The following WDPCP variants were observed in gnomAD, a reference collection of about 807,000 sequenced individuals.
WDPCP encodes WD repeat containing planar cell polarity effector.
WDPCP carries 71 observed loss-of-function variants against 93.1 expected under a neutral mutation model. The observed-to-expected ratio is 0.76, with a 90% CI of 0.63 to 0.93. WDPCP has a LOEUF of 0.93. Ranked by LOEUF, WDPCP falls within the 40% of genes least tolerant of loss-of-function variation. The probability of loss-of-function intolerance (pLI) is 0.00; values close to 1 mark genes in which losing one functional copy is unlikely to be tolerated. For missense variants in WDPCP, 844 were observed against 887.4 expected (o/e 0.95, Z 0.62); for synonymous variants, 315 against 315.0 (o/e 1.00, Z 0.00).
chr2:63,718,168 C>G (rs1183749476), intron 2 of WDPCP, among the ~76,000 whole-genome samples: 2 of 151,978 alleles, frequency 1.3e-5, no homozygotes, highest in African/African-American at 4.8e-5. Flanking sequence ...TTGATGGACA[C>G]TACTTAGGTT....
At chr2:63,398,250 G>C (rs1693891963) in intron 10 of WDPCP, among the ~76,000 whole-genome samples, 1 of 152,110 alleles carries the variant, frequency 6.6e-6, no homozygotes, top group African/African-American at 2.4e-5. Context: ...AGTGAAGGTT[G>C]GAAAAGGTAC....
At chr2:63,480,625 T>A (rs1700212437) in intron 6 of WDPCP, among the ~76,000 whole-genome samples, 1 of 151,796 alleles carries the variant, frequency 6.6e-6, no homozygotes, top group Admixed American at 6.6e-5. Context: ...AACAAAAACA[T>A]ACAGTGGGGA....
At chr2:63,216,177 T>C (rs1677319836) in intron 14 of WDPCP, among the ~76,000 whole-genome samples, 1 of 152,148 alleles carries the variant, frequency 6.6e-6, no homozygotes, top group Non-Finnish European at 1.5e-5. Flanking sequence ...GAACTGGAAA[T>C]ACGATTTGAC....
chr2:63,626,616 C>T (rs1317459534), intron 3 of WDPCP, among the ~76,000 whole-genome samples: 1 of 152,160 alleles, frequency 6.6e-6, no homozygotes, highest in South Asian at 2.1e-4. Flanking sequence ...CAAATCAAAA[C>T]CACAATGAGA....
intron 10 of WDPCP, among the ~76,000 whole-genome samples, chr2:63,398,954 T>C (rs1693950413): frequency 6.6e-6 from 1 of 152,176 alleles, no homozygotes; most frequent in Admixed American, 6.6e-5. Flanking sequence ...GAAAAATCTG[T>C]TCTTTATACT....
At chr2:63,363,641 C>T (rs1032061584) in intron 12 of WDPCP, among the ~76,000 whole-genome samples, 3 of 151,884 alleles carry the variant, frequency 2.0e-5, no homozygotes, top group African/African-American at 7.3e-5. Context: ...AAAAGAAAAG[C>T]GAAATTTTAT....
chr2:63,646,408 A>G (rs1256483706), intron 3 of WDPCP, among the ~76,000 whole-genome samples: 2 of 152,122 alleles, frequency 1.3e-5, no homozygotes, highest in African/African-American at 2.4e-5. Context: ...TTTATCATTT[A>G]ATGTTTTAAC....
At chr2:63,168,755 G>C (rs1381233232) in intron 15 of WDPCP, 1 of 152,182 alleles carries the variant, frequency 6.6e-6, no homozygotes, top group African/African-American at 2.4e-5. Flanking sequence ...GGGTGAACCG[G>C]GCCAGACTGG....
chr2:63,664,293 G>T (rs552409526), intron 2 of WDPCP, among the ~76,000 whole-genome samples: 12 of 152,204 alleles, frequency 7.9e-5, no homozygotes, highest in Non-Finnish European at 1.6e-4. Context: ...CTGGAAGAAT[G>T]TCCAGGAAGA....
At chr2:63,594,398 G>A (rs1182395207) in intron 3 of WDPCP, 6 of 976,398 alleles carry the variant, frequency 6.1e-6, no homozygotes, top group East Asian at 2.4e-5. Flanking sequence ...CACTTTTAAA[G>A]TATGTGGATT....
rs182673263 is a variant in WDPCP, at chr2:63,558,660, G to A, written c.75+29537C>T. 7.8e-3 allele frequency among the ~76,000 whole-genome samples: 1,084 copies of A among 139,642 alleles called. 10 individuals carry two copies. In the Middle Eastern group the frequency reaches 0.091, roughly 12 times the overall value. 91.6% of individuals were successfully genotyped at this position (139,642 alleles called of 152,430 possible). ...CGGAGAATACTATAAACACCTCTAC[G>A]CAAATAAACTAGAAAATCTAGAAGA... On this transcript the variant is annotated intron_variant, in intron 1 of 17. Coordinates refer to ENST00000272321, the MANE Select transcript of WDPCP (RefSeq NM_015910.7).
At chr2:63,599,674 T>C (rs985422959) in intron 3 of WDPCP, 1 of 152,682 alleles carries the variant, frequency 6.5e-6, no homozygotes, top group Non-Finnish European at 1.5e-5. Flanking sequence ...TTTGTGTGAT[T>C]GTGTGGTTCT....
chr2:63,325,202 CAG>C (rs1308110841), intron 12 of WDPCP, among the ~76,000 whole-genome samples: 2 of 152,144 alleles, frequency 1.3e-5, no homozygotes, highest in Admixed American at 1.3e-4. Flanking sequence ...CTTGGTGGTT[CAG>C]AGAGAACAGA....
At chr2:63,791,196 T>C (rs1670539881) in intron 2 of WDPCP, among the ~76,000 whole-genome samples, 1 of 152,104 alleles carries the variant, frequency 6.6e-6, no homozygotes, top group Non-Finnish European at 1.5e-5. Flanking sequence ...GGGTCTAGGG[T>C]GGGGAATACT....
intron 17 of WDPCP, among the ~76,000 whole-genome samples, chr2:63,124,703 C>A (rs1306781076): frequency 2.0e-5 from 3 of 152,066 alleles, no homozygotes; most frequent in Non-Finnish European, 2.9e-5. Context: ...AATTAAATCC[C>A]AGAAGTATAA....
At chr2:63,212,937 T>C (rs1030507644) in intron 14 of WDPCP, among the ~76,000 whole-genome samples, 1 of 152,160 alleles carries the variant, frequency 6.6e-6, no homozygotes, top group African/African-American at 2.4e-5. Context: ...CCTAAATATA[T>C]ATGCACCCAG....
intron 2 of WDPCP, among the ~76,000 whole-genome samples, chr2:63,705,221 C>A (rs1558889108): frequency 1.3e-5 from 2 of 152,078 alleles, no homozygotes; most frequent in East Asian, 3.9e-4. Flanking sequence ...AGCAGTCTAT[C>A]AATTTTGTTA....
At chr2:63,679,963 C>G (rs1575745797) in intron 2 of WDPCP, among the ~76,000 whole-genome samples, 1 of 152,318 alleles carries the variant, frequency 6.6e-6, no homozygotes, top group South Asian at 2.1e-4. Flanking sequence ...CATTTGCAGG[C>G]AATTTAGAGT....
chr2:63,182,378 C>T (rs956069334), intron 14 of WDPCP, among the ~76,000 whole-genome samples: 35 of 152,028 alleles, frequency 2.3e-4, no homozygotes, highest in African/African-American at 8.4e-4. Context: ...TTATCAAATG[C>T]TTTTTCTGTA....
Sources: gnomAD v4.1 joint callset for allele counts (sites outside exome capture counted in the v4.1 genomes callset) on GRCh38, gnomAD v4.1.1 for gene constraint, MANE v1.5 for transcripts, NCBI Gene and HGNC (gene_info 2026-07-23, HGNC 2026-07-21) for gene names.